The following PDE1C variants were observed in gnomAD, a reference collection of about 807,000 sequenced individuals.
PDE1C encodes dual specificity calcium/calmodulin-dependent 3',5'-cyclic nucleotide phosphodiesterase 1C.
A neutral mutation model predicts 93.1 loss-of-function variants in PDE1C; 62 were observed. The ratio of observed to expected loss-of-function variants is 0.67; its 90% CI spans 0.54 to 0.82. The LOEUF is 0.82. PDE1C is among the 40% of genes least tolerant of loss of function. The pLI, the probability that PDE1C is intolerant of heterozygous loss-of-function variation, is 0.00. For missense variants in PDE1C, 742 were observed against 884.6 expected (o/e 0.84, Z 2.04); for synonymous variants, 325 against 310.1 (o/e 1.05, Z -0.50).
intron 3 of PDE1C, among the ~76,000 whole-genome samples, chr7:32,127,781 A>G (rs1332370491): frequency 6.6e-6 from 1 of 152,028 alleles, no homozygotes; most frequent in East Asian, 1.9e-4. Context: ...GACACTCAAT[A>G]TTGTAAAGAT....
intron 3 of PDE1C, among the ~76,000 whole-genome samples, chr7:32,165,338 G>C (rs1172195853): frequency 6.6e-6 from 1 of 152,180 alleles, no homozygotes; most frequent in African/African-American, 2.4e-5. Context: ...ACCCCAGGAA[G>C]GGGGTCTCTT....
chr7:32,186,805 T>C (rs1803916895), intron 2 of PDE1C, among the ~76,000 whole-genome samples: 1 of 152,190 alleles, frequency 6.6e-6, no homozygotes, highest in African/African-American at 2.4e-5. Context: ...AACTATTTCA[T>C]GGGCACTAAT....
chr7:32,070,893 G>A (rs574459914), upstream of PDE1C: 3 of 985,568 alleles, frequency 3.0e-6, no homozygotes, highest in Non-Finnish European at 3.6e-6. Context: ...CCCGGACGCC[G>A]CGCACCCGGC....
chr7:31,881,002 G>A, intron 2 of PDE1C, 142 bp from the exon 3 acceptor site: 1 of 617,774 alleles, frequency 1.6e-6, no homozygotes, highest in Non-Finnish European at 2.8e-6. Flanking sequence ...GGGACCAAAG[G>A]AGCAGGTAAT....
intron 7 of PDE1C, among the ~76,000 whole-genome samples, chr7:31,857,894 A>G (rs181840340): frequency 4.5e-4 from 69 of 152,352 alleles, no homozygotes; most frequent in Non-Finnish European, 7.8e-4. Flanking sequence ...AGACAATAGC[A>G]CATTCAAAGG....
chr7:31,685,435 G>A, the PDE1C span, among the ~76,000 whole-genome samples: 1 of 152,200 alleles, frequency 6.6e-6, no homozygotes, highest in Non-Finnish European at 1.5e-5. Flanking sequence ...AGATCTCCCT[G>A]TATTATCCCT....
intron 2 of PDE1C, among the ~76,000 whole-genome samples, chr7:32,022,416 G>C (rs975033134): frequency 7.2e-5 from 11 of 152,040 alleles, no homozygotes; most frequent in Admixed American, 2.0e-4. Flanking sequence ...GAGGAGGTAA[G>C]ACTTGAGGTG....
intron 1 of PDE1C, among the ~76,000 whole-genome samples, chr7:32,427,472 C>T (rs907527720): frequency 6.6e-6 from 1 of 152,184 alleles, no homozygotes; most frequent in Non-Finnish European, 1.5e-5. Flanking sequence ...ATTTCTGGCC[C>T]TTTTCCCAAT....
At chr7:32,410,223 C>T (rs1172265058) in intron 1 of PDE1C, among the ~76,000 whole-genome samples, 1 of 152,116 alleles carries the variant, frequency 6.6e-6, no homozygotes, top group Non-Finnish European at 1.5e-5. Context: ...GTCCTAGCTA[C>T]TCAAGAGGCT....
intron 2 of PDE1C, among the ~76,000 whole-genome samples, chr7:31,970,980 TA>T (rs1180792884): frequency 3.3e-5 from 5 of 152,006 alleles, no homozygotes; most frequent in Admixed American, 1.3e-4. Context: ...CTGTCTCTAC[TA>T]AAAATACAAA....
intron 2 of PDE1C, among the ~76,000 whole-genome samples, chr7:31,908,556 C>T (rs1400898777): frequency 6.6e-6 from 1 of 152,196 alleles, no homozygotes; most frequent in African/African-American, 2.4e-5. Context: ...AAGTCAAGTC[C>T]ATGACCTCCA....
chr7:31,836,763 C>A (rs116540001), intron 11 of PDE1C, among the ~76,000 whole-genome samples: 197 of 152,204 alleles, frequency 1.3e-3, no homozygotes, highest in African/African-American at 4.6e-3. Context: ...AATTTTGCGT[C>A]TTGGACTTGT....
At chr7:32,011,790 A>C (rs933054773) in intron 2 of PDE1C, among the ~76,000 whole-genome samples, 1 of 152,212 alleles carries the variant, frequency 6.6e-6, no homozygotes, top group African/African-American at 2.4e-5. Flanking sequence ...TTAAACATGC[A>C]GCTACTATAT....
the PDE1C span, among the ~76,000 whole-genome samples, chr7:31,709,923 G>C: frequency 6.6e-6 from 1 of 152,162 alleles, no homozygotes; most frequent in Non-Finnish European, 1.5e-5. Context: ...AGTCGAGGGG[G>C]AGCATCACTT....
At chr7:32,047,799 T>C (rs1563247273) in intron 2 of PDE1C, among the ~76,000 whole-genome samples, 1 of 152,136 alleles carries the variant, frequency 6.6e-6, no homozygotes. Context: ...TAAACAAATG[T>C]AGATTATTTT....
intron 3 of PDE1C, among the ~76,000 whole-genome samples, chr7:32,165,462 T>C (rs973646120): frequency 2.6e-5 from 4 of 152,188 alleles, no homozygotes; most frequent in African/African-American, 9.7e-5. Flanking sequence ...GAGGTTTAAT[T>C]GACTCACAGT....
chr7:32,220,582 G>A (rs1584982142), intron 1 of PDE1C, among the ~76,000 whole-genome samples: 4 of 152,184 alleles, frequency 2.6e-5, no homozygotes, highest in Admixed American at 6.5e-5. Context: ...TTGGGAGGCC[G>A]AGGCGGGCGG....
chr7:32,183,774 G>T (rs79064354), intron 2 of PDE1C, among the ~76,000 whole-genome samples: 102,704 of 151,932 alleles, frequency 0.68, 35,033 homozygotes, highest in East Asian at 0.77. Context: ...CCAAAAGCAA[G>T]GGCAACAAAA....
At chr7:32,305,438 T>C (rs1308625407) in intron 1 of PDE1C, among the ~76,000 whole-genome samples, 1 of 152,220 alleles carries the variant, frequency 6.6e-6, no homozygotes, top group Non-Finnish European at 1.5e-5. Context: ...CCCAGCTCTG[T>C]TAATGACTCT....
Sources: allele counts gnomAD v4.1 joint callset (sites outside exome capture counted in the v4.1 genomes callset), GRCh38; gene constraint gnomAD v4.1.1; transcripts MANE v1.5; gene names NCBI Gene and HGNC (gene_info 2026-07-23, HGNC 2026-07-21).